Variants in BMPER observed in about 807,000 individuals in gnomAD.
The protein encoded by BMPER is BMP-binding endothelial regulator protein.
A neutral mutation model predicts 87.3 loss-of-function variants in BMPER; 45 were observed. The ratio of observed to expected loss-of-function variants is 0.52; its 90% CI spans 0.41 to 0.66. The LOEUF is 0.66. Ranked by LOEUF, BMPER falls within the 30% of genes least tolerant of loss-of-function variation. The pLI is 0.00. For missense variants in BMPER, 784 were observed against 867.5 expected, an observed-to-expected ratio of 0.90 and a Z score of 1.21; for synonymous variants, 326 against 316.2, an observed-to-expected ratio of 1.03 and a Z score of -0.33.
chr7:34,117,241 A>G (rs780576491), intron 13 of BMPER, among the ~76,000 whole-genome samples: 7 of 152,294 alleles, frequency 4.6e-5, no homozygotes, highest in Non-Finnish European at 7.4e-5. Flanking sequence ...TCATTCATCA[A>G]TGGGAAGCTA....
chr7:33,912,161 G>A (rs1000313554), intron 2 of BMPER, among the ~76,000 whole-genome samples: 5 of 152,142 alleles, frequency 3.3e-5, no homozygotes, highest in East Asian at 1.9e-4. Flanking sequence ...ACAACTTTCC[G>A]TGGAAGAGGG....
Position 33,974,580 on chromosome 7 carries a change from T to A in BMPER, c.494-122T>A, listed in dbSNP as rs919321917. The A allele has an allele frequency of 1.3e-5, 13 of 972,922 alleles. No individual in the cohort carries two copies. In the East Asian group the frequency reaches 2.9e-4, roughly 22 times the overall value. 60.3% of individuals were successfully genotyped at this position (972,922 alleles called of 1,614,324 possible). On this transcript the variant is annotated intron_variant, in intron 5 of 14. Coordinates refer to ENST00000649409, the MANE Select transcript of BMPER (RefSeq NM_001365308.1). ...TTCACTATGCAGCAATCTTGTCCAC[T>A]GGTTGAAGAGGACACTCAGCTGTGT...
At chr7:33,994,034 A>G (rs1786318817) in intron 6 of BMPER, among the ~76,000 whole-genome samples, 1 of 152,246 alleles carries the variant, frequency 6.6e-6, no homozygotes, top group Admixed American at 6.5e-5. Context: ...GCTGTCAGAC[A>G]GGGACATTTA....
At position 34,085,828 on chromosome 7, in the gene BMPER, G is replaced by C. The variant is rs1430959606; in HGVS notation, c.1481G>C (p.Cys494Ser). The change falls in exon 13 of 15, where the codon TGT (cysteine) becomes TCT (serine). Residue 494 changes from cysteine (C) to serine (S), a missense_variant. By Grantham distance (112) the Cys-to-Ser change is moderately radical. Coordinates refer to ENST00000649409, the MANE Select transcript of BMPER (RefSeq NM_001365308.1). ...MAAPHLKGKLCGLCGNYNGHK... is the reference protein window; with the variant it reads ...MAAPHLKGKLSGLCGNYNGHK... Reference sequence around the variant, plus strand: ...GCGCCGCATCTCAAGGGCAAGCTCTGTGGTCTTTGTGGCAACTACAATGGA... The same window carrying C: ...GCGCCGCATCTCAAGGGCAAGCTCTCTGGTCTTTGTGGCAACTACAATGGA... The C allele has an allele frequency of 3.1e-6, 5 of 1,614,220 alleles. No homozygotes were observed. The highest frequency in any genetic ancestry group is 4.2e-6 in the Non-Finnish European group (5 of 1,180,046).
chr7:34,047,251 A>G (rs1787998855), intron 7 of BMPER, among the ~76,000 whole-genome samples: 1 of 151,262 alleles, frequency 6.6e-6, no homozygotes, highest in South Asian at 2.1e-4. Flanking sequence ...CTTATATGCT[A>G]CCTTCTTCTT....
chr7:34,114,172 GT>G, intron 13 of BMPER, among the ~76,000 whole-genome samples: 1 of 152,164 alleles, frequency 6.6e-6, no homozygotes, highest in East Asian at 1.9e-4. Flanking sequence ...ATCTGCACAT[GT>G]TTTTCCAGGA....
At chr7:34,058,222 G>C in intron 10 of BMPER, 59 bp downstream of exon 10, 1 of 1,479,068 alleles carries the variant, frequency 6.8e-7, no homozygotes, top group Non-Finnish European at 9.4e-7. Context: ...CCTGTGTGTG[G>C]CACAGTCGCA....
intron 6 of BMPER, among the ~76,000 whole-genome samples, chr7:33,995,955 C>G (rs1786399439): frequency 6.6e-6 from 1 of 152,182 alleles, no homozygotes; most frequent in Admixed American, 6.5e-5. Context: ...GCTCCTCGAG[C>G]AAATAAGTGT....
At chr7:33,983,564 G>A (rs531055581) in intron 6 of BMPER, among the ~76,000 whole-genome samples, 14 of 152,116 alleles carry the variant, frequency 9.2e-5, no homozygotes, top group African/African-American at 2.7e-4. Context: ...GGAGGTCTTC[G>A]CTTCTTTTTT....
At chr7:34,077,393 A>C (rs1788893052) in intron 11 of BMPER, among the ~76,000 whole-genome samples, 1 of 152,218 alleles carries the variant, frequency 6.6e-6, no homozygotes, top group African/African-American at 2.4e-5. Context: ...AGAAAGGAAC[A>C]GAAAGGGAGG....
In BMPER at chr7:34,153,636, C is replaced by G. The variant is rs906500415; in HGVS notation, c.*363C>G. 2.1e-5 allele frequency: 4 copies of G among 190,262 alleles called. No individual in the cohort carries two copies. The highest frequency in any genetic ancestry group is 9.2e-5 in the South Asian group (1 of 10,886). The allele number at this position is 190,262 out of a possible 1,614,324, so 11.8% of individuals were successfully genotyped here. On this transcript the variant is annotated 3_prime_UTR_variant, in exon 15 of 15. Transcript: ENST00000649409. ...CATTTTTAAGGAAGTTTTCTAAGAG[C>G]CCTCAATTGCCTGCCTGTATTAATT...
At chr7:33,920,292 C>G (rs1220656367) in intron 2 of BMPER, among the ~76,000 whole-genome samples, 1 of 151,962 alleles carries the variant, frequency 6.6e-6, no homozygotes, top group Admixed American at 6.6e-5. Context: ...AGTGGTGGCT[C>G]TCAGATTTTA....
intron 11 of BMPER, among the ~76,000 whole-genome samples, chr7:34,065,179 G>C (rs1048289285): frequency 2.1e-5 from 2 of 93,512 alleles, no homozygotes; most frequent in African/African-American, 8.7e-5. Context: ...CCTCTCTCTC[G>C]GACACACACA....
intron 13 of BMPER, among the ~76,000 whole-genome samples, chr7:34,087,504 C>T (rs1005044551): frequency 6.6e-6 from 1 of 152,294 alleles, no homozygotes; most frequent in Middle Eastern, 3.4e-3. Flanking sequence ...GCTCTCTAAA[C>T]CTCACCTTAC....
intron 6 of BMPER, among the ~76,000 whole-genome samples, chr7:34,027,085 T>G (rs958239854): frequency 3.3e-5 from 5 of 152,030 alleles, no homozygotes; most frequent in African/African-American, 1.2e-4. Flanking sequence ...TTTGGTCTGC[T>G]TATCATGGTT....
chr7:34,143,378 G>A lies in BMPER; in HGVS notation c.1876+18G>A. The A allele has an allele frequency of 1.2e-6, 2 of 1,613,548 alleles. No homozygotes were observed. Among genetic ancestry groups the A allele is most frequent in the East Asian group, 2.2e-5 (1 of 44,870 alleles). ...TTGTGCAGGTAAGAAAGTCCTGCTG[G>A]ATCTACCCATCAAAAGTTTACTGCA... is the stretch of plus-strand genomic sequence containing the variant. On this transcript the variant is annotated intron_variant, in intron 14 of 14. Transcript: ENST00000649409.
At chr7:34,098,336 G>T (rs1417639109) in intron 13 of BMPER, among the ~76,000 whole-genome samples, 1 of 152,118 alleles carries the variant, frequency 6.6e-6, no homozygotes, top group Non-Finnish European at 1.5e-5. Flanking sequence ...GAGGCCCAGA[G>T]CCAGGAGTAC....
chr7:33,924,069 G>A (rs771363828), intron 2 of BMPER, among the ~76,000 whole-genome samples: 1 of 152,090 alleles, frequency 6.6e-6, no homozygotes, highest in African/African-American at 2.4e-5. Flanking sequence ...ACTGAAAATG[G>A]CCTGAATGGA....
chr7:33,925,418 A>G (rs766937195), intron 2 of BMPER, among the ~76,000 whole-genome samples: 9 of 152,240 alleles, frequency 5.9e-5, no homozygotes, highest in Non-Finnish European at 8.8e-5. Flanking sequence ...GTTGTCTCCA[A>G]TGAACACTAA....
Sources: allele counts gnomAD v4.1 joint callset (sites outside exome capture counted in the v4.1 genomes callset), GRCh38; gene constraint gnomAD v4.1.1; transcripts MANE v1.5; gene names NCBI Gene and HGNC (gene_info 2026-07-23, HGNC 2026-07-21).